The following BRINP2 variants were observed in gnomAD, a reference collection of about 807,000 sequenced individuals.
The protein encoded by BRINP2 is BMP/retinoic acid-inducible neural-specific protein 2.
A neutral mutation model predicts 69.2 loss-of-function variants in BRINP2; 21 were observed. The observed-to-expected ratio is 0.30, with a 90% confidence interval of 0.22 to 0.44. The LOEUF (loss-of-function observed/expected upper bound fraction) is 0.44. Among genes scored for constraint, BRINP2 ranks in the 20% least tolerant of loss-of-function variants. BRINP2 has a pLI of 1.00. For missense variants in BRINP2, 877 were observed against 986.0 expected, an observed-to-expected ratio of 0.89 and a Z score of 1.48; for synonymous variants, 380 against 394.1, an observed-to-expected ratio of 0.96 and a Z score of 0.42.
intron 1 of BRINP2, among the ~76,000 whole-genome samples, chr1:177,194,501 A>G (rs1366478093): frequency 6.6e-6 from 1 of 152,200 alleles, no homozygotes; most frequent in East Asian, 1.9e-4. Context: ...GGACAGAATC[A>G]CAAAGATGAG....
At chr1:177,212,813 C>T (rs1649266366) in intron 1 of BRINP2, among the ~76,000 whole-genome samples, 1 of 152,130 alleles carries the variant, frequency 6.6e-6, no homozygotes, top group South Asian at 2.1e-4. Context: ...CTTTAATTGC[C>T]ACAGTTCTAT....
At chr1:177,250,039 T>C (rs2102340903) in intron 2 of BRINP2, among the ~76,000 whole-genome samples, 1 of 152,352 alleles carries the variant, frequency 6.6e-6, no homozygotes, top group Admixed American at 6.5e-5. Context: ...TCTTGCTATG[T>C]TGCCCAGGCT....
At chr1:177,267,534 G>T (rs914243137) in intron 4 of BRINP2, among the ~76,000 whole-genome samples, 1 of 152,010 alleles carries the variant, frequency 6.6e-6, no homozygotes, top group Non-Finnish European at 1.5e-5. Context: ...CCATGTCCTC[G>T]GTTCCTGATA....
At chr1:177,171,774 T>C (rs1337715076) in intron 1 of BRINP2, 42 bp downstream of exon 1, 1 of 152,226 alleles carries the variant, frequency 6.6e-6, no homozygotes, top group Non-Finnish European at 1.5e-5. Flanking sequence ...CCCTTTTCAT[T>C]GTCCTTTTTG....
intron 2 of BRINP2, among the ~76,000 whole-genome samples, chr1:177,236,637 G>A (rs1234383555): frequency 6.6e-6 from 1 of 152,156 alleles, no homozygotes; most frequent in Non-Finnish European, 1.5e-5. Context: ...GAAAGGTCAA[G>A]GAAAGCTGGA....
intron 2 of BRINP2, among the ~76,000 whole-genome samples, chr1:177,245,311 C>T (rs904212789): frequency 6.6e-6 from 1 of 151,838 alleles, no homozygotes; most frequent in Non-Finnish European, 1.5e-5. Context: ...AAAGGTGGAG[C>T]ATGTAGGCCT....
chr1:177,195,963 G>A (rs2102299867), intron 1 of BRINP2, among the ~76,000 whole-genome samples: 1 of 152,310 alleles, frequency 6.6e-6, no homozygotes, highest in South Asian at 2.1e-4. Flanking sequence ...CATTTGTAAA[G>A]AATAATGATA....
rs777970525 is a variant in BRINP2 at position 177,256,007 on chromosome 1, C to T, written c.358C>T (p.Arg120Trp). 1.9e-6 allele frequency: 3 copies of T among 1,614,178 alleles called. No individual in the cohort carries two copies. Among genetic ancestry groups the T allele is most frequent in the East Asian group, 2.2e-5 (1 of 44,886 alleles). ...ATTGCCTCTTGCCCCAGAGTTTATC[C>T]GGAACATTCGCCTCCTTGGAAGGAG... Reference protein sequence around the residue: ...LPLPLAPEFIRNIRLLGRRPN... With the variant: ...LPLPLAPEFIWNIRLLGRRPN... The change falls in exon 3 of 8, where the codon CGG becomes TGG. Residue 120 changes from arginine to tryptophan, a missense_variant. By Grantham distance (101) the Arg-to-Trp change is moderately radical. Around this residue, in one of 3 missense-constraint regions of BRINP2, gnomAD observed 566 missense variants for 625.2 expected, o/e 0.91. Transcript: ENST00000361539.
intron 1 of BRINP2, among the ~76,000 whole-genome samples, chr1:177,176,185 A>G (rs560294414): frequency 6.6e-6 from 1 of 152,268 alleles, no homozygotes; most frequent in East Asian, 1.9e-4. Flanking sequence ...GGAATTCTGG[A>G]TTGGGCAAAG....
chr1:177,225,132 T>C (rs1649659738), intron 1 of BRINP2, among the ~76,000 whole-genome samples: 1 of 152,184 alleles, frequency 6.6e-6, no homozygotes, highest in African/African-American at 2.4e-5. Context: ...CTGAGAGTGG[T>C]AGAGACACGA....
At chr1:177,211,826 G>A (rs530366964) in intron 1 of BRINP2, among the ~76,000 whole-genome samples, 1 of 152,250 alleles carries the variant, frequency 6.6e-6, no homozygotes, top group Admixed American at 6.5e-5. Flanking sequence ...TTAAAACTGT[G>A]AAATATCTCA....
At chr1:177,267,786 A>AT (rs1398058763) in intron 4 of BRINP2, among the ~76,000 whole-genome samples, 1 of 152,140 alleles carries the variant, frequency 6.6e-6, no homozygotes, top group Non-Finnish European at 1.5e-5. Flanking sequence ...CCCAAACTAC[A>AT]TTTTTTATAG....
intron 1 of BRINP2, among the ~76,000 whole-genome samples, chr1:177,200,848 C>T (rs1413214327): frequency 1.3e-5 from 2 of 152,024 alleles, no homozygotes; most frequent in African/African-American, 4.8e-5. Context: ...GTAGCAGTTA[C>T]TCAATATTTT....
chr1:177,259,968 A>C (rs957014329), intron 4 of BRINP2, among the ~76,000 whole-genome samples: 3 of 152,218 alleles, frequency 2.0e-5, no homozygotes, highest in African/African-American at 4.8e-5. Context: ...TTTGACTTCC[A>C]AGTCTTATTT....
At chr1:177,239,802 AG>A (rs1650138821) in intron 2 of BRINP2, among the ~76,000 whole-genome samples, 1 of 152,204 alleles carries the variant, frequency 6.6e-6, no homozygotes, top group Admixed American at 6.5e-5. Context: ...TTCTAGGTAT[AG>A]CTGTGCACAG....
At position 177,281,456 on chromosome 1, in the gene BRINP2, G is replaced by A; in HGVS notation, c.2280G>A (p.Gln760=). The A allele has an allele frequency of 6.2e-7, 1 of 1,613,786 alleles. No individual in the cohort carries two copies. The highest frequency in any genetic ancestry group is 1.1e-5 in the South Asian group (1 of 91,080). Residue 760 remains glutamine, a synonymous_variant, in exon 8 of 8, where the codon CAG becomes CAA. Transcript: ENST00000361539. ...CCAACAATGAGGTGGGCAGGATCCA[G>A]TCCTCCCTGAGGGCTTTCAATTCTA... ...KLANNEVGRI[Q]SSLRAFNSKL...
chr1:177,219,663 T>G (rs1261195164), intron 1 of BRINP2, among the ~76,000 whole-genome samples: 1 of 152,194 alleles, frequency 6.6e-6, no homozygotes, highest in Non-Finnish European at 1.5e-5. Flanking sequence ...AAGGTCCAAA[T>G]AGGGCAGAGC....
intron 1 of BRINP2, among the ~76,000 whole-genome samples, chr1:177,223,158 T>C (rs1320430120): frequency 6.6e-6 from 1 of 152,082 alleles, no homozygotes; most frequent in East Asian, 1.9e-4. Context: ...TTAGTTTGTC[T>C]CACCAAGGAA....
chr1:177,183,095 G>T (rs907740849), intron 1 of BRINP2, among the ~76,000 whole-genome samples: 14 of 144,160 alleles, frequency 9.7e-5, no homozygotes, highest in Non-Finnish European at 1.8e-4. Context: ...GGTTGGTTTG[G>T]TAATGAACTA....
Sources: allele counts gnomAD v4.1 joint callset (sites outside exome capture counted in the v4.1 genomes callset), GRCh38; gene constraint gnomAD v4.1.1; regional missense constraint gnomAD v4.1.1; transcripts MANE v1.5; gene names NCBI Gene and HGNC (gene_info 2026-07-23, HGNC 2026-07-21).